The following SLC24A2 variants were observed in gnomAD, a reference collection of about 807,000 sequenced individuals.
SLC24A2 encodes the protein solute carrier family 24 member 2.
SLC24A2 carries 36 observed loss-of-function variants against 62.0 expected under a neutral mutation model. The ratio of observed to expected loss-of-function variants is 0.58; its 90% CI spans 0.44 to 0.77. SLC24A2 has a LOEUF of 0.77. Ranked by LOEUF, SLC24A2 falls within the 30% of genes least tolerant of loss-of-function variation. SLC24A2 has a pLI of 0.00. For missense variants in SLC24A2, 846 were observed against 817.9 expected (o/e 1.03, Z -0.42); for synonymous variants, 358 against 294.0 (o/e 1.22, Z -2.23).
chr9:20,192,396 A>G, the SLC24A2 span, among the ~76,000 whole-genome samples: 572 of 152,244 alleles, frequency 3.8e-3, 5 homozygotes, highest in African/African-American at 0.013. Flanking sequence ...TATATTTAAG[A>G]AAGATATTCT....
At chr9:20,009,422 G>T in the SLC24A2 span, among the ~76,000 whole-genome samples, 6 of 150,266 alleles carry the variant, frequency 4.0e-5, no homozygotes, top group Admixed American at 4.0e-4. Context: ...GGGTGATAGA[G>T]TTCACAGCAA....
At position 19,539,316 on chromosome 9, in the gene SLC24A2, T is replaced by C. The variant is rs1470816612; in HGVS notation, c.1479+10821A>G. Among the ~76,000 whole-genome samples the C allele has an allele frequency of 4.4e-5, 6 of 136,138 alleles. 1 individual carries two copies. The highest frequency in any genetic ancestry group is 7.9e-5 in the Non-Finnish European group (5 of 63,694). 89.3% of individuals were successfully genotyped at this position (136,138 alleles called of 152,430 possible). On this transcript the variant is annotated intron_variant, in intron 8 of 10. Coordinates refer to ENST00000341998, the MANE Select transcript of SLC24A2 (RefSeq NM_020344.4). ...GATGTTAGGGTGTCAATTTTGGATC[T>C]TTCCTGCTTTCTCTTGTAGGCATTT...
chr9:19,921,991 C>A, the SLC24A2 span, among the ~76,000 whole-genome samples: 2 of 152,126 alleles, frequency 1.3e-5, no homozygotes, highest in East Asian at 3.9e-4. Context: ...CCCAAGAATC[C>A]TATGAGTGGG....
the SLC24A2 span, among the ~76,000 whole-genome samples, chr9:20,000,855 G>A: frequency 4.6e-5 from 7 of 152,184 alleles, no homozygotes; most frequent in African/African-American, 1.4e-4. Flanking sequence ...CAGGATCACT[G>A]TTGAGACAGA....
At chr9:20,133,689 C>G in the SLC24A2 span, among the ~76,000 whole-genome samples, 15 of 152,000 alleles carry the variant, frequency 9.9e-5, no homozygotes, top group Non-Finnish European at 1.9e-4. Context: ...TATACATTGC[C>G]AAAGTTACTC....
intron 2 of SLC24A2, among the ~76,000 whole-genome samples, chr9:19,750,858 C>A (rs1176385283): frequency 6.6e-6 from 1 of 152,144 alleles, no homozygotes; most frequent in Non-Finnish European, 1.5e-5. Context: ...GATGACTTTG[C>A]ACAGACAGTT....
chr9:19,693,184 G>A (rs1820091289), intron 2 of SLC24A2, among the ~76,000 whole-genome samples: 1 of 152,014 alleles, frequency 6.6e-6, no homozygotes, highest in African/African-American at 2.4e-5. Context: ...GTGCCATGTT[G>A]GTGTGCATAT....
chr9:19,523,461 T>A, intron 9 of SLC24A2, among the ~76,000 whole-genome samples: 1 of 152,196 alleles, frequency 6.6e-6, no homozygotes, highest in Non-Finnish European at 1.5e-5. Context: ...GTTTTTTTTT[T>A]AACTTAATAT....
the SLC24A2 span, among the ~76,000 whole-genome samples, chr9:20,268,961 A>G: frequency 5.2e-4 from 79 of 152,284 alleles, 1 homozygote; most frequent in African/African-American, 1.9e-3. Context: ...ACAAGAGTTG[A>G]ACCCACTATG....
At chr9:19,876,036 A>G in the SLC24A2 span, among the ~76,000 whole-genome samples, 2 of 152,198 alleles carry the variant, frequency 1.3e-5, no homozygotes, top group Non-Finnish European at 2.9e-5. Flanking sequence ...TCCTCTATCT[A>G]ATATACTTGC....
At chr9:19,700,508 C>G (rs761139555) in intron 2 of SLC24A2, among the ~76,000 whole-genome samples, 3 of 152,162 alleles carry the variant, frequency 2.0e-5, no homozygotes, top group Non-Finnish European at 4.4e-5. Context: ...GGACAAACAG[C>G]AAACACAAAG....
At chr9:20,228,180 A>G in the SLC24A2 span, among the ~76,000 whole-genome samples, 2 of 152,120 alleles carry the variant, frequency 1.3e-5, no homozygotes, top group African/African-American at 4.8e-5. Flanking sequence ...TTTTTGTCAC[A>G]GGATTTGAGA....
intron 2 of SLC24A2, among the ~76,000 whole-genome samples, chr9:19,783,975 C>A (rs775357994): frequency 6.6e-6 from 1 of 152,110 alleles, no homozygotes; most frequent in Non-Finnish European, 1.5e-5. Flanking sequence ...ATGAATATAA[C>A]CTGCTTTCTT....
At chr9:20,058,850 C>T in the SLC24A2 span, among the ~76,000 whole-genome samples, 1 of 152,144 alleles carries the variant, frequency 6.6e-6, no homozygotes, top group African/African-American at 2.4e-5. Context: ...TAAGTTGAGT[C>T]CCCCTTTTAT....
the SLC24A2 span, among the ~76,000 whole-genome samples, chr9:19,907,059 T>A: frequency 1.3e-5 from 2 of 152,144 alleles, no homozygotes; most frequent in African/African-American, 4.8e-5. Context: ...CTGATGAACA[T>A]CGATGCAAAA....
At chr9:19,723,673 T>C (rs533411621) in intron 2 of SLC24A2, among the ~76,000 whole-genome samples, 1 of 152,220 alleles carries the variant, frequency 6.6e-6, no homozygotes, top group East Asian at 1.9e-4. Flanking sequence ...GGACATGTCA[T>C]TTACTGTCTT....
intron 2 of SLC24A2, among the ~76,000 whole-genome samples, chr9:19,707,121 C>T (rs1483384457): frequency 4.0e-5 from 6 of 151,168 alleles, no homozygotes; most frequent in East Asian, 1.9e-4. Context: ...GAGAATACTA[C>T]AAACACCTCT....
the SLC24A2 span, among the ~76,000 whole-genome samples, chr9:19,890,415 C>T: frequency 5.7e-4 from 87 of 152,302 alleles, no homozygotes; most frequent in Non-Finnish European, 1.1e-3. Flanking sequence ...ATCCAAATCT[C>T]ACCAATGTCA....
chr9:20,175,297 T>A, the SLC24A2 span, among the ~76,000 whole-genome samples: 1 of 151,834 alleles, frequency 6.6e-6, no homozygotes, highest in Non-Finnish European at 1.5e-5. Flanking sequence ...ACTGCTCAGA[T>A]GATGTGTGCA....
Sources: gnomAD v4.1 joint callset for allele counts (sites outside exome capture counted in the v4.1 genomes callset) on GRCh38, gnomAD v4.1.1 for gene constraint, MANE v1.5 for transcripts, NCBI Gene and HGNC (gene_info 2026-07-23, HGNC 2026-07-21) for gene names.